Variants in MTHFD1L observed in about 807,000 individuals in gnomAD.
MTHFD1L encodes monofunctional C1-tetrahydrofolate synthase, mitochondrial.
Under a neutral mutation model 119.5 loss-of-function variants are expected in MTHFD1L, and 81 were observed. The observed-to-expected ratio is 0.68, with a 90% CI of 0.57 to 0.82. The LOEUF (loss-of-function observed/expected upper bound fraction) is 0.82, where lower values mean the gene tolerates loss of function less well. Among genes scored for constraint, MTHFD1L ranks in the 40% least tolerant of loss-of-function variants. The pLI is 0.00. For synonymous variants in MTHFD1L, 430 were observed against 475.2 expected, an observed-to-expected ratio of 0.90 and a Z score of 1.24; for missense variants, 1,125 against 1,253.4, an observed-to-expected ratio of 0.90 and a Z score of 1.55.
At chr6:150,932,648 G>T (rs1791262294) in intron 11 of MTHFD1L, among the ~76,000 whole-genome samples, 1 of 151,892 alleles carries the variant, frequency 6.6e-6, no homozygotes, top group Admixed American at 6.6e-5. Context: ...CGTGCCTGTA[G>T]TCCCAGCTAC....
At chr6:151,081,195 C>T (rs1042856847) in intron 26 of MTHFD1L, among the ~76,000 whole-genome samples, 6 of 152,138 alleles carry the variant, frequency 3.9e-5, no homozygotes, top group East Asian at 1.9e-4. Flanking sequence ...AGTTTAATTA[C>T]GTCACAGGGT....
rs138547580 is a variant in MTHFD1L, at chr6:151,037,087, C to T, written c.2817C>T (p.Gly939=). The T allele has an allele frequency of 3.0e-3, 4,794 of 1,611,820 alleles. 62 individuals carry two copies. In the East Asian group the frequency reaches 0.036, roughly 12 times the overall value. The change falls in exon 26 of 28, where the codon GGC becomes GGT. Residue 939 remains glycine, a synonymous_variant. Transcript: ENST00000367321. Reference sequence around the variant, plus strand: ...TCAGTGACGTCCGGGCCAGCATAGGCGCTGGGTTCATTTACCCTTTGGTCG... The same window carrying T: ...TCAGTGACGTCCGGGCCAGCATAGGTGCTGGGTTCATTTACCCTTTGGTCG... ...LPISDVRASI[G]AGFIYPLVGT...
chr6:150,922,793 G>C (rs752682029), intron 10 of MTHFD1L, among the ~76,000 whole-genome samples: 1 of 151,680 alleles, frequency 6.6e-6, no homozygotes. Flanking sequence ...ACAGGTGCAC[G>C]CCACCACACC....
intron 15 of MTHFD1L, 138 bp downstream of exon 15, chr6:150,945,679 C>T (rs939567556): frequency 1.1e-5 from 8 of 734,402 alleles, no homozygotes; most frequent in Middle Eastern, 3.7e-4. Context: ...CTATAGAGAC[C>T]GAACACTGGA....
chr6:151,095,983 G>A (rs1181193822), intron 27 of MTHFD1L, among the ~76,000 whole-genome samples: 1 of 152,170 alleles, frequency 6.6e-6, no homozygotes, highest in Non-Finnish European at 1.5e-5. Flanking sequence ...CTCAAGTTGT[G>A]CAGCTAATAA....
intron 2 of MTHFD1L, 33 bp from the exon 3 acceptor site, chr6:150,877,601 T>TTTATGTTG: frequency 6.2e-7 from 1 of 1,611,982 alleles, no homozygotes; most frequent in Non-Finnish European, 8.5e-7. Context: ...TCAAGCTATT[T>TTTATGTTG]TTATGTTGTT....
chr6:151,051,091 G>A (rs948525730), intron 26 of MTHFD1L, among the ~76,000 whole-genome samples: 1 of 152,124 alleles, frequency 6.6e-6, no homozygotes, highest in Non-Finnish European at 1.5e-5. Flanking sequence ...TTTCCATCCT[G>A]AGGCTAGCTG....
chr6:151,070,226 C>T (rs1001244283), intron 26 of MTHFD1L, among the ~76,000 whole-genome samples: 2 of 152,206 alleles, frequency 1.3e-5, no homozygotes, highest in South Asian at 2.1e-4. Context: ...AGTTAAAATA[C>T]TATAAAGTAC....
intron 26 of MTHFD1L, among the ~76,000 whole-genome samples, chr6:151,043,350 C>T (rs564289523): frequency 6.8e-6 from 1 of 147,824 alleles, no homozygotes; most frequent in African/African-American, 2.5e-5. Flanking sequence ...CTGCAACCTC[C>T]GCCTTCCAGG....
At chr6:150,989,257 G>A (rs531358418) in intron 20 of MTHFD1L, among the ~76,000 whole-genome samples, 5 of 152,284 alleles carry the variant, frequency 3.3e-5, no homozygotes. Flanking sequence ...AATGATAAAG[G>A]AAGACTTCAT....
chr6:150,998,995 A>AAAAAAGAAAATGTATATAT (rs986639098), intron 20 of MTHFD1L, among the ~76,000 whole-genome samples: 1 of 143,586 alleles, frequency 7.0e-6, no homozygotes, highest in Non-Finnish European at 1.5e-5. Context: ...GTCTTAAAAA[A>AAAAAAGAAAATGTATATAT]ATATATATAC....
chr6:150,921,910 C>CA (rs1562383177), intron 9 of MTHFD1L, among the ~76,000 whole-genome samples: 1 of 152,174 alleles, frequency 6.6e-6, no homozygotes, highest in Admixed American at 6.5e-5. Flanking sequence ...GCTGGATCAT[C>CA]AAGTTCATGC....
intron 7 of MTHFD1L, among the ~76,000 whole-genome samples, chr6:150,890,981 GTTTT>G (rs1422685090): frequency 6.6e-6 from 1 of 152,082 alleles, no homozygotes; most frequent in African/African-American, 2.4e-5. Context: ...TTCTTGTTTT[GTTTT>G]TTGTTTGTTT....
intron 9 of MTHFD1L, among the ~76,000 whole-genome samples, chr6:150,920,882 C>T (rs906931364): frequency 4.6e-5 from 7 of 151,370 alleles, no homozygotes; most frequent in Non-Finnish European, 8.8e-5. Context: ...AAGTGATTCT[C>T]CTGCCTCAGC....
At chr6:150,956,844 G>A (rs977202117) in intron 17 of MTHFD1L, among the ~76,000 whole-genome samples, 3 of 151,116 alleles carry the variant, frequency 2.0e-5, no homozygotes, top group Non-Finnish European at 4.4e-5. Context: ...GAATTAAAAA[G>A]TGAATGTAGG....
chr6:150,906,661 C>T lies in MTHFD1L; in HGVS notation c.892+900C>T, dbSNP rs78597532. On this transcript the variant is annotated intron_variant, in intron 8 of 27. Coordinates refer to ENST00000367321, the MANE Select transcript of MTHFD1L (RefSeq NM_015440.5). ...TGGAGGACAGGGGCAGCTTTTATCC[C>T]TAAAGCTGGGCAGAACATGCACCAA... Among the ~76,000 whole-genome samples, 277 of 152,300 alleles carry T rather than the reference C, an allele frequency of 1.8e-3. 1 individual carries two copies. Among genetic ancestry groups the T allele is most frequent in the Middle Eastern group, 3.4e-3 (1 of 294 alleles).
intron 26 of MTHFD1L, among the ~76,000 whole-genome samples, chr6:151,067,345 A>G (rs758098182): frequency 7.2e-5 from 11 of 151,924 alleles, no homozygotes; most frequent in Non-Finnish European, 1.5e-4. Flanking sequence ...ATTTATTGAG[A>G]CAGAGTCTGG....
In MTHFD1L at chr6:150,926,389, A is replaced by G. The variant is rs919651500; in HGVS notation, c.1256+94A>G. ...CTCCTCGTACCCCTCAATCCATCCT[A>G]TTCTCACATTTGACATTTCGTCCAT... On this transcript the variant is annotated intron_variant, in intron 11 of 27. Transcript: ENST00000367321. This position sits in a 1 kb window ranked among gnomAD's most constrained non-coding sequence, Gnocchi z 4.3. 23 of 1,122,980 alleles carry G rather than the reference A, an allele frequency of 2.0e-5. No homozygotes were observed. The highest frequency in any genetic ancestry group is 5.0e-5 in the Admixed American group (2 of 39,954). 69.6% of individuals were successfully genotyped at this position (1,122,980 alleles called of 1,614,324 possible). A position where few individuals can be genotyped will look rare whatever the true frequency, so the allele number is the denominator to read the frequency against.
chr6:151,004,174 C>A (rs1781053881), intron 20 of MTHFD1L, among the ~76,000 whole-genome samples: 1 of 151,900 alleles, frequency 6.6e-6, no homozygotes, highest in Admixed American at 6.6e-5. Context: ...GAAATCCTGT[C>A]TCTACTAAAT....
Sources: gnomAD v4.1 joint callset for allele counts (sites outside exome capture counted in the v4.1 genomes callset) on GRCh38, gnomAD v4.1.1 for gene constraint, Gnocchi (gnomAD v3.1) non-coding constraint, MANE v1.5 for transcripts, NCBI Gene and HGNC (gene_info 2026-07-23, HGNC 2026-07-21) for gene names.